HYAL4: variants seen among roughly 807,000 people sequenced by gnomAD.
The protein encoded by HYAL4 is hyaluronidase-4.
Under a neutral mutation model 35.2 loss-of-function variants are expected in HYAL4, and 37 were observed. The observed-to-expected ratio is 1.05, with a 90% CI of 0.81 to 1.38. The LOEUF (loss-of-function observed/expected upper bound fraction) is 1.38. HYAL4 is among the 40% of genes most tolerant of loss of function. The probability of loss-of-function intolerance (pLI) is 0.00; values close to 1 mark genes in which losing one functional copy is unlikely to be tolerated. For missense variants in HYAL4, 572 were observed against 572.4 expected, an observed-to-expected ratio of 1.00 and a Z score of 0.01; for synonymous variants, 198 against 203.2, an observed-to-expected ratio of 0.97 and a Z score of 0.22.
chr7:123,818,027 A>G, the HYAL4 span, among the ~76,000 whole-genome samples: 1 of 151,320 alleles, frequency 6.6e-6, no homozygotes. Flanking sequence ...ACAGGCAGGC[A>G]CCACCATGCC....
chr7:123,804,381 C>G, the HYAL4 span, among the ~76,000 whole-genome samples: 6 of 152,132 alleles, frequency 3.9e-5, no homozygotes, highest in African/African-American at 1.4e-4. Flanking sequence ...TTGAAGAGTC[C>G]TAGAGGAAGG....
chr7:123,788,505 A>G, the HYAL4 span, among the ~76,000 whole-genome samples: 1 of 152,314 alleles, frequency 6.6e-6, no homozygotes, highest in South Asian at 2.1e-4. Flanking sequence ...AAATTCTGAG[A>G]TCTAAAATAG....
At chr7:123,808,775 A>G in the HYAL4 span, among the ~76,000 whole-genome samples, 239 of 152,274 alleles carry the variant, frequency 1.6e-3, no homozygotes, top group African/African-American at 5.5e-3. Context: ...GAAGTCCACA[A>G]TCAAGGTCCC....
At chr7:123,856,104 C>A (rs188406714) in intron 2 of HYAL4, among the ~76,000 whole-genome samples, 1 of 151,800 alleles carries the variant, frequency 6.6e-6, no homozygotes, top group Non-Finnish European at 1.5e-5. Context: ...TTCCTGTAAC[C>A]TTTTATCAAG....
At chr7:123,846,016 C>G (rs2109354) in intron 1 of HYAL4, among the ~76,000 whole-genome samples, 17,176 of 152,250 alleles carry the variant, frequency 0.11, 1,110 homozygotes, top group Non-Finnish European at 0.14. Flanking sequence ...CTGCAGGTCT[C>G]TCAGCCATGG....
At chr7:123,795,024 C>A in the HYAL4 span, among the ~76,000 whole-genome samples, 2 of 152,198 alleles carry the variant, frequency 1.3e-5, no homozygotes, top group African/African-American at 4.8e-5. Context: ...GCCATGGGAG[C>A]CCACCTGTTG....
In HYAL4 at chr7:123,876,009, A is replaced by G. The variant is rs1018982820; in HGVS notation, c.1045-745A>G. ...GAATTAGGTAGAAACTGAGAGGATT[A>G]ATTCCTGACTTTCCAGGTGTGATAT... On this transcript the variant is annotated intron_variant, in intron 4 of 4. Transcript: ENST00000223026. The G allele has an allele frequency of 4.6e-5, 21 of 456,556 alleles. 1 individual carries two copies. The highest frequency in any genetic ancestry group is 8.8e-5 in the Non-Finnish European group (20 of 226,938). The allele number at this position is 456,556 out of a possible 1,614,324, so 28.3% of individuals were successfully genotyped here.
At chr7:123,870,795 T>G (rs1250378925) in intron 3 of HYAL4, among the ~76,000 whole-genome samples, 1 of 151,916 alleles carries the variant, frequency 6.6e-6, no homozygotes, top group Non-Finnish European at 1.5e-5. Context: ...TACGTAAATC[T>G]TTATAAAATA....
At chr7:123,784,442 A>C in the HYAL4 span, among the ~76,000 whole-genome samples, 1 of 152,352 alleles carries the variant, frequency 6.6e-6, no homozygotes, top group East Asian at 1.9e-4. Flanking sequence ...AAAGGAAAAC[A>C]GAAGTTTAGA....
chr7:123,802,104 C>T, the HYAL4 span, among the ~76,000 whole-genome samples: 1 of 152,192 alleles, frequency 6.6e-6, no homozygotes, highest in Non-Finnish European at 1.5e-5. Flanking sequence ...CCAAGTATGA[C>T]TGTTGCCAAA....
intron 3 of HYAL4, among the ~76,000 whole-genome samples, chr7:123,869,492 C>T (rs555918425): frequency 2.6e-5 from 4 of 152,274 alleles, no homozygotes; most frequent in African/African-American, 9.6e-5. Flanking sequence ...ATTTCCTGCA[C>T]ACCAACTTTA....
At chr7:123,786,847 C>G in the HYAL4 span, among the ~76,000 whole-genome samples, 22 of 151,920 alleles carry the variant, frequency 1.4e-4, no homozygotes, top group Admixed American at 1.4e-3. Flanking sequence ...GTGGCTCATG[C>G]CTGTAATCCC....
the HYAL4 span, among the ~76,000 whole-genome samples, chr7:123,802,873 C>T: frequency 6.6e-6 from 1 of 152,328 alleles, no homozygotes; most frequent in African/African-American, 2.4e-5. Context: ...TATTACACTA[C>T]TGTGTAAGGT....
chr7:123,778,331 A>G, the HYAL4 span, among the ~76,000 whole-genome samples: 1 of 152,170 alleles, frequency 6.6e-6, no homozygotes, highest in African/African-American at 2.4e-5. Flanking sequence ...CAATTTCATG[A>G]CATTTAACAC....
Position 123,853,105 on chromosome 7 carries a change from T to G in HYAL4, c.-52+4947T>G, listed in dbSNP as rs181056638. Among the ~76,000 whole-genome samples, 1,316 of 152,224 alleles carry G rather than the reference T, an allele frequency of 8.6e-3. 21 individuals are homozygous for G. The highest frequency in any genetic ancestry group is 0.03 in the African/African-American group (1,233 of 41,560). On this transcript the variant is annotated intron_variant, in intron 2 of 4. Transcript: ENST00000223026. ...TGATTTTGTATCCTGAGACTTTGCT[T>G]AAGTTGCTTATCAGCTTAAGGAGAT... is the stretch of plus-strand genomic sequence containing the variant.
the HYAL4 span, chr7:123,790,470 C>T: frequency 6.6e-6 from 1 of 151,744 alleles, no homozygotes; most frequent in Non-Finnish European, 1.5e-5. Flanking sequence ...GTGCCATCTA[C>T]TAGTGCCAAC....
the HYAL4 span, among the ~76,000 whole-genome samples, chr7:123,807,170 C>T: frequency 0.13 from 19,649 of 152,186 alleles, 1,340 homozygotes; most frequent in Non-Finnish European, 0.14. Flanking sequence ...CTAATCTGAA[C>T]TGACCTGGCT....
chr7:123,874,110 A>G (rs1806948813), intron 3 of HYAL4, among the ~76,000 whole-genome samples: 1 of 152,236 alleles, frequency 6.6e-6, no homozygotes, highest in Non-Finnish European at 1.5e-5. Context: ...TCCAGGGCAC[A>G]TACATATGAC....
Position 123,877,249 on chromosome 7 carries a change from T to C in HYAL4, c.*94T>C. On this transcript the variant is annotated 3_prime_UTR_variant, in exon 5 of 5. Coordinates refer to ENST00000223026, the MANE Select transcript of HYAL4 (RefSeq NM_012269.3). ...CATTTTTTTTCTCTTATGAATTCTA[T>C]TGAGAGATATTATAAGTAGACATTA... The C allele has an allele frequency of 8.4e-7, 1 of 1,185,002 alleles. No individual in the cohort carries two copies. Among genetic ancestry groups the C allele is most frequent in the South Asian group, 1.5e-5 (1 of 65,324 alleles). 73.4% of individuals were successfully genotyped at this position (1,185,002 alleles called of 1,614,324 possible). A position where few individuals can be genotyped will look rare whatever the true frequency, so the allele number is the denominator to read the frequency against.
Sources: gnomAD v4.1 joint callset for allele counts (sites outside exome capture counted in the v4.1 genomes callset) on GRCh38, gnomAD v4.1.1 for gene constraint, MANE v1.5 for transcripts, NCBI Gene and HGNC (gene_info 2026-07-23, HGNC 2026-07-21) for gene names.